The following NR6A1 variants were observed in gnomAD, a reference collection of about 807,000 sequenced individuals.
NR6A1 encodes the protein retinoic acid receptor-related testis-associated receptor.
In NR6A1, 7 loss-of-function variants were observed where a neutral mutation model predicts 59.1. The ratio of observed to expected loss-of-function variants is 0.12; its 90% CI spans 0.07 to 0.22. The LOEUF is 0.22. NR6A1 is among the 10% of genes least tolerant of loss of function. The probability of loss-of-function intolerance (pLI) is 1.00; values close to 1 mark genes in which losing one functional copy is unlikely to be tolerated. For synonymous variants in NR6A1, 243 were observed against 236.1 expected, an observed-to-expected ratio of 1.03 and a Z score of -0.27; for missense variants, 468 against 611.6, an observed-to-expected ratio of 0.77 and a Z score of 2.48.
intron 2 of NR6A1, among the ~76,000 whole-genome samples, chr9:124,646,886 C>T (rs1354535040): frequency 6.6e-6 from 1 of 152,168 alleles, no homozygotes; most frequent in Non-Finnish European, 1.5e-5. Flanking sequence ...CAATTAATAA[C>T]TTACCAAAAC....
intron 2 of NR6A1, among the ~76,000 whole-genome samples, chr9:124,712,074 G>C (rs114794561): frequency 1.3e-5 from 2 of 152,046 alleles, no homozygotes; most frequent in Admixed American, 6.6e-5. Context: ...TTTGGTTAGG[G>C]CCTGTTGCCA....
chr9:124,696,947 C>T (rs895750804), intron 2 of NR6A1, among the ~76,000 whole-genome samples: 2 of 152,290 alleles, frequency 1.3e-5, no homozygotes, highest in Non-Finnish European at 2.9e-5. Flanking sequence ...CGTGAGCCAC[C>T]GCACCCGGCC....
At chr9:124,704,222 T>A (rs1011444505) in intron 2 of NR6A1, among the ~76,000 whole-genome samples, 46 of 152,224 alleles carry the variant, frequency 3.0e-4, no homozygotes, top group African/African-American at 1.1e-3. Flanking sequence ...TGTCCTTTCA[T>A]TCCTGACTTT....
intron 2 of NR6A1, among the ~76,000 whole-genome samples, chr9:124,615,448 G>A (rs1835860664): frequency 6.6e-6 from 1 of 152,128 alleles, no homozygotes; most frequent in African/African-American, 2.4e-5. Flanking sequence ...TCCTGCATGT[G>A]TATATGGTGA....
At position 124,519,459 on chromosome 9, in the gene NR6A1, A is replaced by G. The variant is rs372874416; in HGVS notation, c.*3246T>C. The stretch of plus-strand genomic sequence containing the variant: ...CTACAAAGGCAGCCAGAGAGCATGA[A>G]TAAGTTCCAAGATGCCAAACTTTTG... On this transcript the variant is annotated 3_prime_UTR_variant, in exon 10 of 10. Coordinates refer to ENST00000487099, the MANE Select transcript of NR6A1 (RefSeq NM_033334.4). The G allele has an allele frequency of 1.3e-5, 2 of 152,346 alleles. No homozygotes were observed. The highest frequency in any genetic ancestry group is 3.9e-4 in the East Asian group (2 of 5,180). The allele number at this position is 152,346 out of a possible 1,614,324, so 9.4% of individuals were successfully genotyped here. A position where few individuals can be genotyped will look rare whatever the true frequency, so the allele number is the denominator to read the frequency against.
intron 2 of NR6A1, among the ~76,000 whole-genome samples, chr9:124,637,892 C>CAAAAAAAAA (rs796714741): frequency 5.1e-5 from 4 of 78,954 alleles, no homozygotes; most frequent in Non-Finnish European, 1.0e-4. Flanking sequence ...ACTCCCTCTC[C>CAAAAAAAAA]AAAAAAAAAA....
chr9:124,679,030 CCT>C (rs1456769395), intron 2 of NR6A1, among the ~76,000 whole-genome samples: 1 of 152,038 alleles, frequency 6.6e-6, no homozygotes, highest in Non-Finnish European at 1.5e-5. Context: ...CAGCAAGACC[CCT>C]GTCTCTAAAA....
At chr9:124,638,530 A>G (rs556051741) in intron 2 of NR6A1, among the ~76,000 whole-genome samples, 2 of 152,280 alleles carry the variant, frequency 1.3e-5, no homozygotes, top group South Asian at 4.1e-4. Context: ...TGGCTTGTGT[A>G]TCATCAAATC....
Position 124,771,276 on chromosome 9 carries a change from GCTCCGCGCCC to G in NR6A1, c.-167_-158del, listed in dbSNP as rs565570681. On this transcript the variant is annotated 5_prime_UTR_variant, in exon 1 of 10. Transcript: ENST00000487099. ...GCCCCGAGCCGCCCGGCTCCGCGCC[GCTCCGCGCCC>G]CTCCGCGCCGCGCCCCCTCAGCACT... is the stretch of plus-strand genomic sequence containing the variant. The G allele has an allele frequency of 1.6e-3, 648 of 401,412 alleles. 6 individuals are homozygous for G. Among genetic ancestry groups the G allele is most frequent in the African/African-American group, 0.012 (592 of 48,388 alleles). 24.9% of individuals were successfully genotyped at this position (401,412 alleles called of 1,614,324 possible).
chr9:124,622,182 C>G (rs533087901), intron 2 of NR6A1, among the ~76,000 whole-genome samples: 1 of 152,342 alleles, frequency 6.6e-6, no homozygotes, highest in East Asian at 1.9e-4. Flanking sequence ...CACCACCACA[C>G]TCCAGCTTGG....
intron 1 of NR6A1, among the ~76,000 whole-genome samples, chr9:124,739,560 C>T (rs1840117765): frequency 6.6e-6 from 1 of 152,188 alleles, no homozygotes; most frequent in South Asian, 2.1e-4. Flanking sequence ...ACCCAAGCAA[C>T]CCTCCTACTT....
chr9:124,694,382 AAC>A (rs1475315844), intron 2 of NR6A1, among the ~76,000 whole-genome samples: 1 of 152,188 alleles, frequency 6.6e-6, no homozygotes, highest in Non-Finnish European at 1.5e-5. Context: ...AGACTTCCAC[AAC>A]AGTCTTTTAT....
chr9:124,593,236 C>T (rs1310545766), intron 2 of NR6A1, among the ~76,000 whole-genome samples: 1 of 152,148 alleles, frequency 6.6e-6, no homozygotes, highest in East Asian at 1.9e-4. Context: ...CAAAATAACA[C>T]ACTAGGAACA....
At chr9:124,667,285 C>A (rs1426762609) in intron 2 of NR6A1, among the ~76,000 whole-genome samples, 18 of 151,968 alleles carry the variant, frequency 1.2e-4, no homozygotes, top group Admixed American at 1.0e-3. Flanking sequence ...CCCACCCCAG[C>A]GTCCCAAAGT....
intron 2 of NR6A1, among the ~76,000 whole-genome samples, chr9:124,575,906 T>C (rs1290780358): frequency 6.6e-6 from 1 of 152,190 alleles, no homozygotes; most frequent in Non-Finnish European, 1.5e-5. Flanking sequence ...TTACTTTACC[T>C]AAAAAGCTCC....
chr9:124,694,789 G>C (rs1838687548), intron 2 of NR6A1, among the ~76,000 whole-genome samples: 1 of 152,270 alleles, frequency 6.6e-6, no homozygotes, highest in East Asian at 1.9e-4. Flanking sequence ...AATTAAGCAA[G>C]CCTTAATTTG....
chr9:124,642,415 G>A (rs1564214512), intron 2 of NR6A1, among the ~76,000 whole-genome samples: 1 of 152,178 alleles, frequency 6.6e-6, no homozygotes, highest in Admixed American at 6.5e-5. Context: ...GTTGCTGTCA[G>A]AACAAAATAA....
At chr9:124,544,739 G>A (rs186551248) in intron 3 of NR6A1, among the ~76,000 whole-genome samples, 2 of 152,272 alleles carry the variant, frequency 1.3e-5, no homozygotes, top group Non-Finnish European at 2.9e-5. Flanking sequence ...TGGGGGAAGA[G>A]TAGCATGAGA....
At chr9:124,584,514 C>T (rs1340163123) in intron 2 of NR6A1, among the ~76,000 whole-genome samples, 1 of 152,152 alleles carries the variant, frequency 6.6e-6, no homozygotes, top group Admixed American at 6.5e-5. Context: ...CTCTGTGTCA[C>T]ATTTGGTAAG....
Sources: allele counts gnomAD v4.1 joint callset (sites outside exome capture counted in the v4.1 genomes callset), GRCh38; gene constraint gnomAD v4.1.1; transcripts MANE v1.5; gene names NCBI Gene and HGNC (gene_info 2026-07-23, HGNC 2026-07-21).